Variants in LRRTM4 observed in about 807,000 individuals in gnomAD.
LRRTM4 encodes the protein leucine-rich repeat transmembrane neuronal protein 4.
In LRRTM4, 25 loss-of-function variants were observed where a neutral mutation model predicts 47.6. That is an observed-to-expected ratio of 0.53 (90% CI 0.38 to 0.73). LRRTM4 has a LOEUF of 0.73. Ranked by LOEUF, LRRTM4 falls within the 30% of genes least tolerant of loss-of-function variation. LRRTM4 has a pLI of 0.00. For missense variants in LRRTM4, 638 were observed against 713.4 expected, an observed-to-expected ratio of 0.89 and a Z score of 1.20; for synonymous variants, 311 against 269.5, an observed-to-expected ratio of 1.15 and a Z score of -1.51.
chr2:77,139,775 G>C (rs763831920), intron 3 of LRRTM4, among the ~76,000 whole-genome samples: 1 of 152,126 alleles, frequency 6.6e-6, no homozygotes, highest in African/African-American at 2.4e-5. Context: ...CTTCAGCAAA[G>C]TCTCAGGATA....
chr2:77,065,538 C>T (rs189884472), intron 3 of LRRTM4, among the ~76,000 whole-genome samples: 1 of 152,132 alleles, frequency 6.6e-6, no homozygotes, highest in African/African-American at 2.4e-5. Context: ...CTACTATATG[C>T]TACTAAATTA....
At chr2:76,816,850 T>TGG (rs1558673801) in intron 3 of LRRTM4, among the ~76,000 whole-genome samples, 2 of 88,506 alleles carry the variant, frequency 2.3e-5, no homozygotes, top group Admixed American at 1.3e-4. Flanking sequence ...TTTTTTTTTT[T>TGG]TTTTTTTTTT....
intron 3 of LRRTM4, among the ~76,000 whole-genome samples, chr2:77,014,614 C>A (rs1470337812): frequency 6.6e-6 from 1 of 151,652 alleles, no homozygotes; most frequent in South Asian, 2.1e-4. Context: ...GAGTTTGAGA[C>A]CAGCCTGGCC....
At chr2:77,005,735 C>G (rs777780183) in intron 3 of LRRTM4, among the ~76,000 whole-genome samples, 1 of 152,118 alleles carries the variant, frequency 6.6e-6, no homozygotes, top group East Asian at 1.9e-4. Flanking sequence ...ATTCACCTTC[C>G]GCAGTGATTG....
At chr2:76,915,008 C>A (rs927292874) in intron 3 of LRRTM4, among the ~76,000 whole-genome samples, 10 of 152,182 alleles carry the variant, frequency 6.6e-5, no homozygotes, top group African/African-American at 2.2e-4. Flanking sequence ...GAAATATGAA[C>A]TGATGCCGAA....
chr2:77,084,133 G>A (rs1014069871), intron 3 of LRRTM4, among the ~76,000 whole-genome samples: 2 of 152,088 alleles, frequency 1.3e-5, no homozygotes, highest in African/African-American at 4.8e-5. Flanking sequence ...TAAAAATAAA[G>A]TGTGTAACTA....
At chr2:77,415,269 G>A in intron 3 of LRRTM4, among the ~76,000 whole-genome samples, 1 of 152,192 alleles carries the variant, frequency 6.6e-6, no homozygotes, top group East Asian at 1.9e-4. Flanking sequence ...ACATGTAACA[G>A]ACTTCTCTTA....
chr2:77,032,433 C>T (rs545081318), intron 3 of LRRTM4, among the ~76,000 whole-genome samples: 1 of 152,094 alleles, frequency 6.6e-6, no homozygotes, highest in South Asian at 2.1e-4. Flanking sequence ...TATCTTTCTC[C>T]TTCCACTAGA....
intron 3 of LRRTM4, among the ~76,000 whole-genome samples, chr2:77,201,446 T>C (rs1415467090): frequency 6.6e-6 from 1 of 152,146 alleles, no homozygotes. Context: ...AATTAATTCA[T>C]TGAATTTTTG....
At chr2:77,361,748 A>G (rs1558707011) in intron 3 of LRRTM4, among the ~76,000 whole-genome samples, 1 of 152,192 alleles carries the variant, frequency 6.6e-6, no homozygotes, top group African/African-American at 2.4e-5. Flanking sequence ...CCACTTTAAC[A>G]TCAGATATTT....
chr2:77,293,154 G>T (rs553108225), intron 3 of LRRTM4, among the ~76,000 whole-genome samples: 1 of 152,014 alleles, frequency 6.6e-6, no homozygotes, highest in African/African-American at 2.4e-5. Flanking sequence ...GTATAATCGG[G>T]AAGAAAAAAG....
At chr2:77,014,227 G>C (rs777178615) in intron 3 of LRRTM4, among the ~76,000 whole-genome samples, 1 of 151,994 alleles carries the variant, frequency 6.6e-6, no homozygotes, top group Non-Finnish European at 1.5e-5. Context: ...CAAAAGTAAC[G>C]GGAAGTAGGC....
chr2:77,262,408 C>T (rs115274503), intron 3 of LRRTM4, among the ~76,000 whole-genome samples: 126 of 152,110 alleles, frequency 8.3e-4, no homozygotes, highest in African/African-American at 2.5e-3. Flanking sequence ...ATTAACATCT[C>T]ACATTAGTAT....
At chr2:77,342,964 T>C (rs1047021327) in intron 3 of LRRTM4, among the ~76,000 whole-genome samples, 2 of 151,984 alleles carry the variant, frequency 1.3e-5, no homozygotes, top group African/African-American at 4.8e-5. Context: ...ATAATGATAC[T>C]CTTTAGCTTT....
chr2:77,001,153 C>T (rs979739164), intron 3 of LRRTM4, among the ~76,000 whole-genome samples: 1 of 152,164 alleles, frequency 6.6e-6, no homozygotes, highest in African/African-American at 2.4e-5. Context: ...ACTTTTAGGG[C>T]TGTAGTAGCT....
intron 3 of LRRTM4, among the ~76,000 whole-genome samples, chr2:76,924,552 G>A (rs535350595): frequency 6.6e-6 from 1 of 151,596 alleles, no homozygotes; most frequent in South Asian, 2.1e-4. Context: ...ACTGAAGGTG[G>A]TAGAAGAATA....
rs1490482937 is a variant in LRRTM4 at position 76,967,996 on chromosome 2, T to C, written c.1552-219080A>G. ...AAATATAAAGACAAATGAACATTATTGTTCATCTCCTCATTTTATTAAAAA... is the reference window on the plus strand; with the variant it reads ...AAATATAAAGACAAATGAACATTATCGTTCATCTCCTCATTTTATTAAAAA... On this transcript the variant is annotated intron_variant, in intron 3 of 3. Transcript: ENST00000409884. Among the ~76,000 whole-genome samples the C allele has an allele frequency of 9.2e-5, 14 of 151,398 alleles. No homozygotes were observed. In the Admixed American group the frequency reaches 9.3e-4, roughly 10 times the overall value.
intron 3 of LRRTM4, among the ~76,000 whole-genome samples, chr2:76,809,694 A>T (rs1670670148): frequency 6.6e-6 from 1 of 152,142 alleles, no homozygotes; most frequent in Non-Finnish European, 1.5e-5. Context: ...CCCTGAAAAT[A>T]AAAACCAAAT....
At chr2:77,435,340 T>C (rs1675546794) in intron 3 of LRRTM4, among the ~76,000 whole-genome samples, 1 of 152,178 alleles carries the variant, frequency 6.6e-6, no homozygotes, top group African/African-American at 2.4e-5. Flanking sequence ...TATCTACAAC[T>C]CATGAAAAGA....
Sources: allele counts gnomAD v4.1 joint callset (sites outside exome capture counted in the v4.1 genomes callset), GRCh38; gene constraint gnomAD v4.1.1; transcripts MANE v1.5; gene names NCBI Gene and HGNC (gene_info 2026-07-23, HGNC 2026-07-21).